Variants in DENND4A observed in about 807,000 individuals in gnomAD.
DENND4A encodes the protein DENN domain containing 4A.
A neutral mutation model predicts 199.3 loss-of-function variants in DENND4A; 70 were observed. The ratio of observed to expected loss-of-function variants is 0.35; its 90% CI spans 0.29 to 0.43. DENND4A has a LOEUF of 0.43. Among genes scored for constraint, DENND4A ranks in the 20% least tolerant of loss-of-function variants. The probability of loss-of-function intolerance (pLI) is 1.00; values close to 1 mark genes in which losing one functional copy is unlikely to be tolerated. For missense variants in DENND4A, 1,723 were observed against 2,255.8 expected, an observed-to-expected ratio of 0.76 and a Z score of 4.78; for synonymous variants, 686 against 766.9, an observed-to-expected ratio of 0.89 and a Z score of 1.74.
intron 1 of DENND4A, among the ~76,000 whole-genome samples, chr15:65,765,101 C>A (rs368410874): frequency 6.6e-6 from 1 of 151,224 alleles, no homozygotes; most frequent in Admixed American, 6.6e-5. Context: ...ATGAATTGTA[C>A]GAAAAAAAGA....
intron 13 of DENND4A, among the ~76,000 whole-genome samples, chr15:65,717,451 G>T (rs1328661677): frequency 1.3e-5 from 2 of 152,098 alleles, no homozygotes; most frequent in African/African-American, 4.8e-5. Flanking sequence ...GACCATCTCA[G>T]GGGTTCCTCT....
chr15:65,733,420 T>A (rs2076019587), intron 7 of DENND4A, among the ~76,000 whole-genome samples: 1 of 152,188 alleles, frequency 6.6e-6, no homozygotes, highest in Non-Finnish European at 1.5e-5. Flanking sequence ...ATTTTATTTC[T>A]GAATTTTTTT....
chr15:65,758,855 C>A (rs2076780508), intron 2 of DENND4A, among the ~76,000 whole-genome samples: 1 of 152,088 alleles, frequency 6.6e-6, no homozygotes, highest in Non-Finnish European at 1.5e-5. Flanking sequence ...TTGATAAAGG[C>A]AGCCGATAAA....
At position 65,700,655 on chromosome 15, in the gene DENND4A, C is replaced by T; in HGVS notation, c.2722G>A (p.Ala908Thr). The T allele has an allele frequency of 6.5e-7, 1 of 1,542,134 alleles. No individual in the cohort carries two copies. The highest frequency in any genetic ancestry group is 1.4e-5 in the African/African-American group (1 of 72,616). Residue 908 changes from alanine to threonine, a missense_variant, in exon 20 of 33, where the codon GCT (alanine) becomes ACT (threonine). Coordinates refer to ENST00000443035, the MANE Select transcript of DENND4A (RefSeq NM_001320835.1). ...CTATCCATGCTGCCATGACTAACAG[C>T]ATCCAGGTCACTGCCATCTGCTTAA... ...TLSADGSDLD[A>T]VSHGSMDSGH... is the part of the protein sequence containing the mutation.
chr15:65,746,511 C>T lies in DENND4A; in HGVS notation c.562-4727G>A, dbSNP rs559694770. Among the ~76,000 whole-genome samples the T allele has an allele frequency of 5.5e-4, 82 of 149,800 alleles. 1 individual carries two copies. The South Asian group carries it at 0.012, about 22-fold the overall frequency. Reference sequence around the variant, plus strand: ...AAGCAATTCTCCTGCCTCAGCCTCCCGAGTAGCTGGGATTACAGGTGTGCA... The same window carrying T: ...AAGCAATTCTCCTGCCTCAGCCTCCTGAGTAGCTGGGATTACAGGTGTGCA... On this transcript the variant is annotated intron_variant, in intron 4 of 32. Coordinates refer to ENST00000443035, the MANE Select transcript of DENND4A (RefSeq NM_001320835.1).
At position 65,716,182 on chromosome 15, in the gene DENND4A, G is replaced by A. The variant is rs542081052; in HGVS notation, c.1808-559C>T. Among the ~76,000 whole-genome samples the A allele has an allele frequency of 5.3e-5, 8 of 151,472 alleles. No individual in the cohort carries two copies. In the South Asian group the frequency reaches 6.3e-4, roughly 12 times the overall value. On this transcript the variant is annotated intron_variant, in intron 13 of 32. Transcript: ENST00000443035. ...GGACTGTGTAAACTGTTCTCTCTGC[G>A]TAAAACACTCTCCTACTTTACCTTT...
chr15:65,789,534 TG>T (rs2077659629), intron 1 of DENND4A, among the ~76,000 whole-genome samples: 1 of 134,020 alleles, frequency 7.5e-6, no homozygotes, highest in Non-Finnish European at 1.6e-5. Context: ...GGAAGAAAAA[TG>T]TATCAGCTAT....
intron 15 of DENND4A, among the ~76,000 whole-genome samples, chr15:65,705,709 C>T (rs2075026251): frequency 6.6e-6 from 1 of 151,780 alleles, no homozygotes; most frequent in South Asian, 2.1e-4. Flanking sequence ...TTTTGTAAAC[C>T]AAGGCTATAT....
intron 2 of DENND4A, among the ~76,000 whole-genome samples, chr15:65,757,147 C>T (rs2076725185): frequency 6.6e-6 from 1 of 152,026 alleles, no homozygotes; most frequent in African/African-American, 2.4e-5. Context: ...CCCCAAAACA[C>T]TGAAGAAACC....
chr15:65,781,232 A>AT (rs2077428666), intron 1 of DENND4A, among the ~76,000 whole-genome samples: 1 of 152,220 alleles, frequency 6.6e-6, no homozygotes, highest in Non-Finnish European at 1.5e-5. Context: ...GAAAGCAGAA[A>AT]TTACTAGAGT....
intron 11 of DENND4A, among the ~76,000 whole-genome samples, chr15:65,727,398 A>G (rs2075833342): frequency 6.8e-6 from 1 of 146,640 alleles, no homozygotes. Flanking sequence ...GCTTACATTG[A>G]GCTGAGATCG....
rs2075833821 is a variant in DENND4A, at chr15:65,661,142, A to G, written c.*709T>C. 6.6e-6 allele frequency: 1 copy of G among 152,078 alleles called. No individual in the cohort carries two copies. Among genetic ancestry groups the G allele is most frequent in the Non-Finnish European group, 1.5e-5 (1 of 68,010 alleles). 9.4% of individuals were successfully genotyped at this position (152,078 alleles called of 1,614,324 possible). ...TCTGGGCAGTGCACGCTACCCTTGC[A>G]TAACTCACTCCCCACACTCAGGCTT... On this transcript the variant is annotated 3_prime_UTR_variant, in exon 33 of 33. Transcript: ENST00000443035.
intron 1 of DENND4A, among the ~76,000 whole-genome samples, chr15:65,762,009 A>G (rs1243176797): frequency 6.6e-6 from 1 of 152,020 alleles, no homozygotes; most frequent in Non-Finnish European, 1.5e-5. Flanking sequence ...TGTTGTTGTT[A>G]TTGTTGTTGT....
At chr15:65,770,648 A>C (rs1356084066) in intron 1 of DENND4A, among the ~76,000 whole-genome samples, 1 of 152,174 alleles carries the variant, frequency 6.6e-6, no homozygotes, top group African/African-American at 2.4e-5. Flanking sequence ...ACAAAGTTAA[A>C]GTTTTTGTTT....
chr15:65,760,822 G>C (rs1205593687), intron 2 of DENND4A, among the ~76,000 whole-genome samples: 1 of 152,038 alleles, frequency 6.6e-6, no homozygotes, highest in Non-Finnish European at 1.5e-5. Flanking sequence ...GCTGTAGGCA[G>C]AGGTTGCAAT....
Position 65,756,428 on chromosome 15 carries a change from C to G in DENND4A, c.23G>C (p.Arg8Pro), listed in dbSNP as rs368095629. The G allele has an allele frequency of 7.5e-6, 12 of 1,610,286 alleles. No individual in the cohort carries two copies. Among genetic ancestry groups the G allele is most frequent in the Non-Finnish European group, 9.3e-6 (11 of 1,178,492 alleles). MIEDKGPRVADYFVVAGL... is the reference protein window; with the variant it reads MIEDKGPPVADYFVVAGL... ...TGCTACAACAAAGTAGTCAGCAACA[C>G]GAGGCCCCTTGTCTTCAATCATCTT... is the stretch of plus-strand genomic sequence containing the variant. Residue 8 changes from arginine to proline, a missense_variant, in exon 3 of 33, where the codon CGT becomes CCT. Coordinates refer to ENST00000443035, the MANE Select transcript of DENND4A (RefSeq NM_001320835.1).
chr15:65,673,756 A>G (rs1013513001), intron 24 of DENND4A, among the ~76,000 whole-genome samples: 2 of 152,142 alleles, frequency 1.3e-5, no homozygotes, highest in Non-Finnish European at 2.9e-5. Context: ...ACTGGTGGTA[A>G]ATGCAGTTCT....
At chr15:65,662,078 C>T in intron 32 of DENND4A, 91 bp from the exon 33 acceptor site, 1 of 1,048,940 alleles carries the variant, frequency 9.5e-7, no homozygotes, top group East Asian at 2.6e-5. Flanking sequence ...AGAAACACAA[C>T]ATTAGAGGCC....
rs534444536 is a variant in DENND4A, at chr15:65,728,633, G to A, written c.1487+439C>T. 1.8e-4 allele frequency among the ~76,000 whole-genome samples: 28 copies of A among 151,818 alleles called. No homozygotes were observed. In the South Asian group the frequency reaches 2.3e-3, roughly 12 times the overall value. On this transcript the variant is annotated intron_variant, in intron 11 of 32. Coordinates refer to ENST00000443035, the MANE Select transcript of DENND4A (RefSeq NM_001320835.1). Reference sequence around the variant, plus strand: ...CGAGTAGCTGGGATTCCAGGCATGCGCCACCACGCTCAGCTAATTTTGTAT... The same window carrying A: ...CGAGTAGCTGGGATTCCAGGCATGCACCACCACGCTCAGCTAATTTTGTAT...
Sources: gnomAD v4.1 joint callset for allele counts (sites outside exome capture counted in the v4.1 genomes callset) on GRCh38, gnomAD v4.1.1 for gene constraint, MANE v1.5 for transcripts, NCBI Gene and HGNC (gene_info 2026-07-23, HGNC 2026-07-21) for gene names.